SYNE2: variants seen among roughly 807,000 people sequenced by gnomAD.
The protein encoded by SYNE2 is nesprin-2.
In SYNE2, 431 loss-of-function variants were observed where a neutral mutation model predicts 856.3. The observed-to-expected ratio is 0.50, with a 90% CI of 0.47 to 0.55. The LOEUF is 0.55. SYNE2 is among the 20% of genes least tolerant of loss of function. The pLI is 0.00. For synonymous variants in SYNE2, 2,923 were observed against 2,872.3 expected (o/e 1.02, Z -0.56); for missense variants, 8,129 against 8,023.2 (o/e 1.01, Z -0.50).
chr14:64,131,936 T>G (rs547376931), intron 76 of SYNE2, among the ~76,000 whole-genome samples: 10 of 151,038 alleles, frequency 6.6e-5, no homozygotes, highest in Admixed American at 3.3e-4. Context: ...TTGTTTTTTG[T>G]TTTTTTTTCC....
intron 85 of SYNE2, among the ~76,000 whole-genome samples, chr14:64,154,563 T>G (rs1347170622): frequency 6.6e-6 from 1 of 151,770 alleles, no homozygotes; most frequent in Non-Finnish European, 1.5e-5. Flanking sequence ...GAGGCCAAGG[T>G]GGGCAGATCG....
intron 2 of SYNE2, among the ~76,000 whole-genome samples, chr14:63,924,899 G>T (rs2095645642): frequency 1.5e-5 from 2 of 134,184 alleles, no homozygotes; most frequent in Admixed American, 8.2e-5. Context: ...GGAAGTGATG[G>T]AAGTATACAT....
chr14:63,909,288 G>C, intron 2 of SYNE2, 61 bp downstream of exon 2: 1 of 1,132,272 alleles, frequency 8.8e-7, no homozygotes. Context: ...CTTTTATCTA[G>C]TTGCAAGTCA....
intron 11 of SYNE2, among the ~76,000 whole-genome samples, chr14:63,974,886 G>GTATATATATATATATATATA (rs1315971121): frequency 2.3e-4 from 6 of 26,284 alleles, no homozygotes; most frequent in Admixed American, 4.4e-4. Flanking sequence ...GTGTGTGTGT[G>GTATATATATATATATATATA]TGTGTGTATA....
intron 1 of SYNE2, among the ~76,000 whole-genome samples, chr14:63,828,577 C>A (rs938077179): frequency 2.7e-4 from 41 of 151,778 alleles, no homozygotes. Context: ...AGTTCAAGAT[C>A]AGCCTGGGGA....
intron 79 of SYNE2, among the ~76,000 whole-genome samples, chr14:64,138,569 T>C (rs77095726): frequency 0.011 from 1,678 of 152,292 alleles, 17 homozygotes; most frequent in South Asian, 0.022. Flanking sequence ...GGAATTATGT[T>C]ATAAAATAAT....
At chr14:64,082,512 T>C (rs2097532119) in intron 57 of SYNE2, among the ~76,000 whole-genome samples, 1 of 152,128 alleles carries the variant, frequency 6.6e-6, no homozygotes, top group South Asian at 2.1e-4. Flanking sequence ...GCCATGGAGC[T>C]AGGGCCCAAA....
chr14:63,785,976 C>T (rs757557434), intron 1 of SYNE2, among the ~76,000 whole-genome samples: 1 of 151,998 alleles, frequency 6.6e-6, no homozygotes, highest in Admixed American at 6.6e-5. Flanking sequence ...GGCAGCCGGG[C>T]GCAGTGGCTC....
intron 2 of SYNE2, among the ~76,000 whole-genome samples, chr14:63,932,573 A>G (rs916310166): frequency 3.9e-5 from 6 of 152,048 alleles, no homozygotes; most frequent in African/African-American, 1.4e-4. Flanking sequence ...GTGTGGTGGC[A>G]CACACCTGTA....
chr14:64,036,490 GC>G (rs2097091672), intron 45 of SYNE2, among the ~76,000 whole-genome samples: 1 of 151,990 alleles, frequency 6.6e-6, no homozygotes, highest in African/African-American at 2.4e-5. Context: ...TCACCATGTT[GC>G]CCGGGCAGGT....
At chr14:63,898,279 A>G (rs1288562263) in intron 1 of SYNE2, among the ~76,000 whole-genome samples, 1 of 151,886 alleles carries the variant, frequency 6.6e-6, no homozygotes, top group Non-Finnish European at 1.5e-5. Flanking sequence ...CTGCATCACT[A>G]TCGTCCTGGG....
At chr14:63,924,832 G>GTTTTTTTTTTCTTTTTTTTTTTTT (rs1491139905) in intron 2 of SYNE2, among the ~76,000 whole-genome samples, 1 of 92,854 alleles carries the variant, frequency 1.1e-5, no homozygotes, top group Non-Finnish European at 2.0e-5. Context: ...TCCAGCCTTG[G>GTTTTTTTTTTCTTTTTTTTTTTTT]TGTTTTTTTT....
chr14:64,215,260 A>G, intron 106 of SYNE2, 26 bp from the exon 107 acceptor site: 1 of 1,610,796 alleles, frequency 6.2e-7, no homozygotes, highest in Non-Finnish European at 8.5e-7. Flanking sequence ...ACCTCCAGTG[A>G]GGCAAATGAC....
intron 87 of SYNE2, 124 bp from the exon 88 acceptor site, chr14:64,161,948 C>G: frequency 9.6e-7 from 1 of 1,043,250 alleles, no homozygotes; most frequent in Non-Finnish European, 1.4e-6. Context: ...ATTTTAAAAA[C>G]CATTTAACAG....
chr14:64,132,067 G>T (rs2098027544), intron 76 of SYNE2, among the ~76,000 whole-genome samples, 198 bp from the exon 77 acceptor site: 1 of 152,042 alleles, frequency 6.6e-6, no homozygotes, highest in Admixed American at 6.6e-5. Flanking sequence ...TCAAATGACT[G>T]GGATTACGGG....
chr14:64,201,079 G>A (rs564327072), intron 99 of SYNE2, among the ~76,000 whole-genome samples: 1 of 152,188 alleles, frequency 6.6e-6, no homozygotes, highest in African/African-American at 2.4e-5. Flanking sequence ...CCACCTGCAA[G>A]GTGGATAATT....
At chr14:64,214,074 C>T in intron 105 of SYNE2, 120 bp from the exon 106 acceptor site, 6 of 1,483,594 alleles carry the variant, frequency 4.0e-6, no homozygotes, top group South Asian at 3.7e-5. Context: ...TTTAAAGCTG[C>T]CTTAGAAATA....
At chr14:64,071,374 G>A (rs1010920879) in intron 52 of SYNE2, among the ~76,000 whole-genome samples, 2 of 151,758 alleles carry the variant, frequency 1.3e-5, no homozygotes, top group African/African-American at 4.8e-5. Flanking sequence ...GGAGCTTGTA[G>A]TCCCAGCTAC....
In SYNE2 at chr14:64,070,769, A is replaced by G. The variant is rs75146753; in HGVS notation, c.10556A>G (p.Glu3519Gly). The G allele has an allele frequency of 6.8e-6, 11 of 1,614,114 alleles. No homozygotes were observed. The East Asian group carries it at 2.4e-4, about 36-fold the overall frequency. Residue 3519 changes from glutamate to glycine, a missense_variant, in exon 52 of 116, where the codon GAG (glutamate) becomes GGG (glycine). Physicochemically the swap from Glu to Gly is moderately conservative, Grantham distance 98 (BLOSUM62 -2). Transcript: ENST00000555002. ...CTAGACTGTTTATGCCAATATGGAG[A>G]GAACGTGGAGAAGCAACAGCTGTTA... ...ELLDCLCQYGENVEKQQLLLT... is the reference protein window; with the variant it reads ...ELLDCLCQYGGNVEKQQLLLT...
Sources: gnomAD v4.1 joint callset for allele counts (sites outside exome capture counted in the v4.1 genomes callset) on GRCh38, gnomAD v4.1.1 for gene constraint, MANE v1.5 for transcripts, NCBI Gene and HGNC (gene_info 2026-07-23, HGNC 2026-07-21) for gene names.